GIPC3: variants seen among roughly 807,000 people sequenced by gnomAD.
The protein encoded by GIPC3 is PDZ domain-containing protein GIPC3.
In GIPC3, 16 loss-of-function variants were observed where a neutral mutation model predicts 27.3. The observed-to-expected ratio is 0.59, with a 90% CI of 0.40 to 0.89. The LOEUF (loss-of-function observed/expected upper bound fraction) is 0.89, where lower values mean the gene tolerates loss of function less well. Among genes scored for constraint, GIPC3 ranks in the 40% least tolerant of loss-of-function variants. GIPC3 has a pLI of 0.00. For missense variants in GIPC3, 440 were observed against 442.1 expected (o/e 1.00, Z 0.04); for synonymous variants, 194 against 184.6 (o/e 1.05, Z -0.41).
chr19:3,587,662 CT>C (rs60239736), intron 3 of GIPC3, among the ~76,000 whole-genome samples: 3 of 140,072 alleles, frequency 2.1e-5, no homozygotes, highest in Admixed American at 1.4e-4. Context: ...TCTTTCTTTT[CT>C]TTTTTTTTTC....
In GIPC3 at chr19:3,592,738, C is replaced by G; in HGVS notation, c.*2548C>G. ...CTCAGCTCTGAAACCCAGACCGGCT[C>G]AAGAATTCAGCCCAGCCCTGGAGCC... On this transcript the variant is annotated 3_prime_UTR_variant, in exon 6 of 6. Transcript: ENST00000644452. The G allele has an allele frequency of 8.1e-7, 1 of 1,231,860 alleles. No homozygotes were observed. Among genetic ancestry groups the G allele is most frequent in the Non-Finnish European group, 1.0e-6 (1 of 987,802 alleles). The allele number at this position is 1,231,860 out of a possible 1,614,324, so 76.3% of individuals were successfully genotyped here. A position where few individuals can be genotyped will look rare whatever the true frequency, so the allele number is the denominator to read the frequency against.
At position 3,590,588 on chromosome 19, in the gene GIPC3, G is replaced by A. The variant is rs2032469334; in HGVS notation, c.*398G>A. On this transcript the variant is annotated 3_prime_UTR_variant, in exon 6 of 6. Coordinates refer to ENST00000644452, the MANE Select transcript of GIPC3 (RefSeq NM_133261.3). ...GAACCCAGATGAGCTCTGAGACCAT[G>A]CCCAGCTCTAGAACTCAGATGGGCT... The A allele has an allele frequency of 3.0e-6, 4 of 1,315,350 alleles. No homozygotes were observed. The highest frequency in any genetic ancestry group is 3.9e-6 in the Non-Finnish European group (4 of 1,035,950). The allele number at this position is 1,315,350 out of a possible 1,614,324, so 81.5% of individuals were successfully genotyped here. A position where few individuals can be genotyped will look rare whatever the true frequency, so the allele number is the denominator to read the frequency against.
chr19:3,590,140 G>A lies in GIPC3; in HGVS notation c.889G>A (p.Val297Met), dbSNP rs1381054218. Residue 297 changes from valine to methionine, a missense_variant, in exon 6 of 6, where the codon GTG (valine) becomes ATG (methionine). By Grantham distance (21) the Val-to-Met change is conservative. Coordinates refer to ENST00000644452, the MANE Select transcript of GIPC3 (RefSeq NM_133261.3). ...LGEFAFPDEFVVEVWAAIGEA... is the reference protein window; with the variant it reads ...LGEFAFPDEFMVEVWAAIGEA... ...CGAGTTCGCCTTCCCCGACGAGTTT[G>A]TGGTGGAAGTGTGGGCCGCCATCGG... The A allele has an allele frequency of 1.2e-6, 2 of 1,610,794 alleles. No individual in the cohort carries two copies. Among genetic ancestry groups the A allele is most frequent in the Non-Finnish European group, 1.7e-6 (2 of 1,178,856 alleles).
chr19:3,590,364 G>A lies in GIPC3; in HGVS notation c.*174G>A. 2 of 1,438,848 alleles carry A rather than the reference G, an allele frequency of 1.4e-6. No individual in the cohort carries two copies. Among genetic ancestry groups the A allele is most frequent in the Non-Finnish European group, 1.8e-6 (2 of 1,100,894 alleles). 89.1% of individuals were successfully genotyped at this position (1,438,848 alleles called of 1,614,324 possible). ...CTTCTCTAGAATCCAGCCCAGATCT[G>A]AGGCCAAGCTATGTGCTAGAGCCCA... is the stretch of plus-strand genomic sequence containing the variant. On this transcript the variant is annotated 3_prime_UTR_variant, in exon 6 of 6. Transcript: ENST00000644452.
Position 3,593,448 on chromosome 19 carries a change from C to T in GIPC3, c.*3258C>T, listed in dbSNP as rs932444389. 8.0e-5 allele frequency: 47 copies of T among 583,920 alleles called. No homozygotes were observed. The highest frequency in any genetic ancestry group is 6.6e-5 in the Non-Finnish European group (26 of 396,440). The allele number at this position is 583,920 out of a possible 1,614,324, so 36.2% of individuals were successfully genotyped here. On this transcript the variant is annotated 3_prime_UTR_variant, in exon 6 of 6. Coordinates refer to ENST00000644452, the MANE Select transcript of GIPC3 (RefSeq NM_133261.3). ...GGGCTTCACCGGTCCTGGCTCAGATCCAGGTCCTTGGAGGGAAAAGGAGGG... is the reference window on the plus strand; with the variant it reads ...GGGCTTCACCGGTCCTGGCTCAGATTCAGGTCCTTGGAGGGAAAAGGAGGG...
rs1252282026 is a variant in GIPC3 at position 3,585,741 on chromosome 19, C to A, written c.144C>A (p.Pro48=). The A allele has an allele frequency of 5.2e-6, 8 of 1,542,206 alleles. No individual in the cohort carries two copies. In the African/African-American group the frequency reaches 1.1e-4, roughly 21 times the overall value. The change falls in exon 1 of 6, where the codon CCC becomes CCA. Residue 48 remains proline, a synonymous_variant. Transcript: ENST00000644452. ...GCACGCAGCTGGCGCACGGGAGCCC[C>A]ACGGGCAAGATCGAGGGCTTCACCA... is the stretch of plus-strand genomic sequence containing the variant. ...VFRTQLAHGS[P]TGKIEGFTNV...
intron 3 of GIPC3, among the ~76,000 whole-genome samples, chr19:3,589,109 G>C (rs1304457689): frequency 2.0e-5 from 3 of 152,090 alleles, no homozygotes; most frequent in African/African-American, 4.8e-5. Flanking sequence ...ACCCAGACAA[G>C]AACATATCTA....
chr19:3,593,064 G>A lies in GIPC3; in HGVS notation c.*2874G>A, dbSNP rs759550818. On this transcript the variant is annotated 3_prime_UTR_variant, in exon 6 of 6. Coordinates refer to ENST00000644452, the MANE Select transcript of GIPC3 (RefSeq NM_133261.3). ...AGGCTTACCCCAAGCCTCCTACCTG[G>A]CCCCACAGTCACAGGTCTCCTCAAC... 40 of 1,232,236 alleles carry A rather than the reference G, an allele frequency of 3.2e-5. No individual in the cohort carries two copies. The highest frequency in any genetic ancestry group is 4.0e-5 in the Non-Finnish European group (40 of 988,296). 76.3% of individuals were successfully genotyped at this position (1,232,236 alleles called of 1,614,324 possible).
chr19:3,589,944 G>C, intron 5 of GIPC3, 32 bp downstream of exon 5: 1 of 1,613,582 alleles, frequency 6.2e-7, no homozygotes, highest in Non-Finnish European at 8.5e-7. Flanking sequence ...GGGGGCCCTG[G>C]GGGGAGGGAA....
Position 3,591,777 on chromosome 19 carries a change from C to T in GIPC3, c.*1587C>T, listed in dbSNP as rs2032491474. The T allele has an allele frequency of 4.1e-6, 5 of 1,233,484 alleles. No homozygotes were observed. The highest frequency in any genetic ancestry group is 5.1e-6 in the Non-Finnish European group (5 of 989,120). The allele number at this position is 1,233,484 out of a possible 1,614,324, so 76.4% of individuals were successfully genotyped here. Reference sequence around the variant, plus strand: ...AACCTCGCCTAGTGCTACAACCAGGCCCAACTCCAGGATTCAGACCAGCTC... The same window carrying T: ...AACCTCGCCTAGTGCTACAACCAGGTCCAACTCCAGGATTCAGACCAGCTC... On this transcript the variant is annotated 3_prime_UTR_variant, in exon 6 of 6. Transcript: ENST00000644452.
In GIPC3 at chr19:3,589,430, CTGT is replaced by C. The variant is rs1568278403; in HGVS notation, c.593-11_593-9del. On this transcript the variant is annotated splice_polypyrimidine_tract_variant and intron_variant, in intron 3 of 5. Coordinates refer to ENST00000644452, the MANE Select transcript of GIPC3 (RefSeq NM_133261.3). ...CCAGAACCCATGGCCATCCCTCACT[CTGT>C]TCCCTCCAGATATGATTGGCCAGAG... is the stretch of plus-strand genomic sequence containing the variant. 6.2e-7 allele frequency: 1 copy of C among 1,601,454 alleles called. No homozygotes were observed. The highest frequency in any genetic ancestry group is 2.2e-5 in the East Asian group (1 of 44,808).
In GIPC3 at chr19:3,585,491, G is replaced by A. The variant is rs913013594; in HGVS notation, c.-107G>A. 3.0e-6 allele frequency: 3 copies of A among 990,554 alleles called. No homozygotes were observed. In the African/African-American group the frequency reaches 5.2e-5, roughly 17 times the overall value. 61.4% of individuals were successfully genotyped at this position (990,554 alleles called of 1,614,324 possible). A position where few individuals can be genotyped will look rare whatever the true frequency, so the allele number is the denominator to read the frequency against. ...CTCGGGTTCCCAGATCCCCTTACCC[G>A]GGCGTCTCGGCTGTCGCGCCCTGGG... On this transcript the variant is annotated 5_prime_UTR_variant, in exon 1 of 6. Coordinates refer to ENST00000644452, the MANE Select transcript of GIPC3 (RefSeq NM_133261.3).
At position 3,589,547 on chromosome 19, in the gene GIPC3, G is replaced by A. The variant is rs1456363715; in HGVS notation, c.697G>A (p.Glu233Lys). Residue 233 changes from glutamate (E) to lysine (K), a missense_variant, in exon 4 of 6, where the codon GAG becomes AAG. Transcript: ENST00000644452. ...TCGTTCTGGGGGGGCTGCCACAGTG[G>A]AGGAAGCGGTGAGTGAAGGGGAGGG... ...RLRSGGAATV[E>K]EAPSEFEEEA... 2 of 1,613,284 alleles carry A rather than the reference G, an allele frequency of 1.2e-6. No individual in the cohort carries two copies. The highest frequency in any genetic ancestry group is 1.7e-6 in the Non-Finnish European group (2 of 1,179,392).
intron 1 of GIPC3, 93 bp downstream of exon 1, chr19:3,585,915 G>T: frequency 6.8e-7 from 1 of 1,468,664 alleles, no homozygotes; most frequent in South Asian, 1.2e-5. Flanking sequence ...CCAGATCCCC[G>T]GATCCCAGAC....
In GIPC3 at chr19:3,591,076, C is replaced by T; in HGVS notation, c.*886C>T. On this transcript the variant is annotated 3_prime_UTR_variant, in exon 6 of 6. Coordinates refer to ENST00000644452, the MANE Select transcript of GIPC3 (RefSeq NM_133261.3). ...ACCAAGCCGTGTTCTAGAATTCAGGCCACATCTGAAGCCAAGCCCAGCTCT... is the reference window on the plus strand; with the variant it reads ...ACCAAGCCGTGTTCTAGAATTCAGGTCACATCTGAAGCCAAGCCCAGCTCT... The T allele has an allele frequency of 8.1e-7, 1 of 1,231,162 alleles. No homozygotes were observed. The highest frequency in any genetic ancestry group is 4.1e-5 in the South Asian group (1 of 24,336). 76.3% of individuals were successfully genotyped at this position (1,231,162 alleles called of 1,614,324 possible).
Position 3,593,084 on chromosome 19 carries a change from C to G in GIPC3, c.*2894C>G, listed in dbSNP as rs2145279397. ...ACCTGGCCCCACAGTCACAGGTCTC[C>G]TCAACCCCCCAGAAGCCAGCCGTCT... is the stretch of plus-strand genomic sequence containing the variant. On this transcript the variant is annotated 3_prime_UTR_variant, in exon 6 of 6. Coordinates refer to ENST00000644452, the MANE Select transcript of GIPC3 (RefSeq NM_133261.3). The G allele has an allele frequency of 8.1e-7, 1 of 1,232,838 alleles. No homozygotes were observed. Among genetic ancestry groups the G allele is most frequent in the Non-Finnish European group, 1.0e-6 (1 of 988,558 alleles). The allele number at this position is 1,232,838 out of a possible 1,614,324, so 76.4% of individuals were successfully genotyped here.
intron 3 of GIPC3, among the ~76,000 whole-genome samples, chr19:3,587,674 C>CTTTTTTCTTTTCT (rs2032398468): frequency 1.7e-5 from 2 of 114,868 alleles, no homozygotes; most frequent in South Asian, 2.5e-4. Context: ...TTTTTTTTTC[C>CTTTTTTCTTTTCT]TTTCTTTTTT....
At position 3,591,609 on chromosome 19, in the gene GIPC3, A is replaced by G. The variant is rs949432894; in HGVS notation, c.*1419A>G. 14 of 1,232,964 alleles carry G rather than the reference A, an allele frequency of 1.1e-5. No individual in the cohort carries two copies. Among genetic ancestry groups the G allele is most frequent in the Middle Eastern group, 3.1e-4 (1 of 3,216 alleles). 76.4% of individuals were successfully genotyped at this position (1,232,964 alleles called of 1,614,324 possible). A position where few individuals can be genotyped will look rare whatever the true frequency, so the allele number is the denominator to read the frequency against. On this transcript the variant is annotated 3_prime_UTR_variant, in exon 6 of 6. Coordinates refer to ENST00000644452, the MANE Select transcript of GIPC3 (RefSeq NM_133261.3). ...CTCCCAAATCAAATCCTATTCAAGA[A>G]CTCAGACCAGCTCAGAAACCCAGGT...
chr19:3,589,786 G>T (rs756062198), intron 4 of GIPC3, 45 bp from the exon 5 acceptor site: 4 of 1,588,556 alleles, frequency 2.5e-6, no homozygotes, highest in Non-Finnish European at 8.6e-7. Flanking sequence ...GGGCTGGAGG[G>T]CTCCAAAGCT....
Sources: gnomAD v4.1 joint callset for allele counts (sites outside exome capture counted in the v4.1 genomes callset) on GRCh38, gnomAD v4.1.1 for gene constraint, MANE v1.5 for transcripts, NCBI Gene and HGNC (gene_info 2026-07-23, HGNC 2026-07-21) for gene names.